EPB41: variants seen among roughly 807,000 people sequenced by gnomAD.
EPB41 encodes the protein protein 4.1.
EPB41 carries 65 observed loss-of-function variants against 108.0 expected under a neutral mutation model. The observed-to-expected ratio is 0.60, with a 90% CI of 0.49 to 0.74. The LOEUF is 0.74. EPB41 is among the 30% of genes least tolerant of loss of function. EPB41 has a pLI of 0.00. For synonymous variants in EPB41, 336 were observed against 358.9 expected, an observed-to-expected ratio of 0.94 and a Z score of 0.72; for missense variants, 875 against 1,037.0, an observed-to-expected ratio of 0.84 and a Z score of 2.15.
chr1:29,091,073 A>C (rs937760973), intron 16 of EPB41, among the ~76,000 whole-genome samples: 2 of 152,178 alleles, frequency 1.3e-5, no homozygotes, highest in Admixed American at 1.3e-4. Context: ...TCTTCTACAC[A>C]TGCTTTGGAA....
upstream of EPB41, among the ~76,000 whole-genome samples, chr1:28,913,524 T>C (rs1415193476): frequency 6.6e-6 from 1 of 152,192 alleles, no homozygotes; most frequent in Non-Finnish European, 1.5e-5. Flanking sequence ...GGCAATCTGT[T>C]TCCAGAGGCT....
intron 1 of EPB41, among the ~76,000 whole-genome samples, chr1:28,888,753 G>A (rs145732390): frequency 0.03 from 4,488 of 152,134 alleles, 102 homozygotes; most frequent in Non-Finnish European, 0.044. Flanking sequence ...TCAGCCTCCC[G>A]AGTAGCTGGG....
chr1:29,018,150 C>T lies in EPB41; in HGVS notation c.906-74C>T, dbSNP rs2096600693. On this transcript the variant is annotated intron_variant, in intron 6 of 20. Coordinates refer to ENST00000343067, the MANE Select transcript of EPB41 (RefSeq NM_001376013.1). The surrounding 1 kb of genome is among the most constrained non-coding windows in gnomAD (Gnocchi z 4.4). ...TCTCTCTCTCCCTTTCTGTTTCTCC[C>T]CTTTTCTCCTTTTTCTCTCTTTATA... 6 of 1,351,532 alleles carry T rather than the reference C, an allele frequency of 4.4e-6. No individual in the cohort carries two copies. The highest frequency in any genetic ancestry group is 6.3e-6 in the Non-Finnish European group (6 of 949,394). The allele number at this position is 1,351,532 out of a possible 1,614,324, so 83.7% of individuals were successfully genotyped here. A position where few individuals can be genotyped will look rare whatever the true frequency, so the allele number is the denominator to read the frequency against.
chr1:28,959,982 C>CTTTCTTTTTTTTTCT (rs1319671568), intron 1 of EPB41, among the ~76,000 whole-genome samples: 4 of 148,340 alleles, frequency 2.7e-5, no homozygotes, highest in African/African-American at 9.9e-5. Context: ...TCTTGAGGCC[C>CTTTCTTTTTTTTTCT]TTTCTTTTTT....
chr1:28,939,092 C>T (rs1377978359), intron 1 of EPB41, among the ~76,000 whole-genome samples: 2 of 152,182 alleles, frequency 1.3e-5, no homozygotes, highest in African/African-American at 2.4e-5. Context: ...CAGCCTTGCT[C>T]TGTATGTTGT....
At chr1:28,911,195 C>T (rs2092239152), upstream of EPB41, 1 of 984,610 alleles carries the variant, frequency 1.0e-6, no homozygotes, top group Admixed American at 6.2e-5. Context: ...AGAGATTGGG[C>T]ACTTAGCCTA....
intron 1 of EPB41, among the ~76,000 whole-genome samples, chr1:28,955,927 A>G (rs372291705): frequency 5.9e-5 from 9 of 152,266 alleles, no homozygotes; most frequent in African/African-American, 1.9e-4. Context: ...AATAAACACT[A>G]TAACTTTTGT....
intron 1 of EPB41, among the ~76,000 whole-genome samples, chr1:28,924,444 G>A (rs986387137): frequency 6.6e-6 from 1 of 152,108 alleles, no homozygotes; most frequent in Admixed American, 6.6e-5. Flanking sequence ...CAGGATAATC[G>A]CTTGATCCTG....
At chr1:29,044,998 A>G (rs186036350) in intron 11 of EPB41, among the ~76,000 whole-genome samples, 28 of 152,306 alleles carry the variant, frequency 1.8e-4, no homozygotes, top group Admixed American at 5.2e-4. Flanking sequence ...CCTTGTGTCA[A>G]TACCACACTA....
intron 12 of EPB41, chr1:29,054,097 A>T (rs1311139077): frequency 1.3e-5 from 2 of 152,238 alleles, no homozygotes; most frequent in African/African-American, 4.8e-5. Flanking sequence ...CCTTTACAAA[A>T]AGGAGAAGAT....
chr1:29,010,412 G>A (rs2096481145), intron 4 of EPB41, among the ~76,000 whole-genome samples: 2 of 152,152 alleles, frequency 1.3e-5, no homozygotes, highest in Admixed American at 6.5e-5. Flanking sequence ...ATTAGGAAGA[G>A]GCAAGAGAGG....
chr1:28,919,952 G>A (rs748176358), intron 1 of EPB41, among the ~76,000 whole-genome samples: 7 of 151,982 alleles, frequency 4.6e-5, no homozygotes, highest in Non-Finnish European at 8.8e-5. Context: ...TCCCTCTTCC[G>A]TAGCTGATGA....
chr1:29,062,290 G>A (rs1362284271), intron 15 of EPB41, among the ~76,000 whole-genome samples: 1 of 152,174 alleles, frequency 6.6e-6, no homozygotes, highest in Non-Finnish European at 1.5e-5. Context: ...TTCGTCTTCA[G>A]TGCTTCCTCT....
intron 14 of EPB41, among the ~76,000 whole-genome samples, chr1:29,060,158 A>G (rs549001102): frequency 6.6e-6 from 1 of 152,322 alleles, no homozygotes; most frequent in South Asian, 2.1e-4. Context: ...AGCTTGTTAC[A>G]TAAGAAGCCA....
chr1:28,917,525 C>T (rs1015469651), intron 1 of EPB41, among the ~76,000 whole-genome samples: 7 of 151,880 alleles, frequency 4.6e-5, no homozygotes, highest in African/African-American at 1.2e-4. Context: ...GTGATCCACC[C>T]GCCTCGGCCT....
At chr1:28,974,264 T>G (rs2095553295) in intron 1 of EPB41, among the ~76,000 whole-genome samples, 1 of 152,226 alleles carries the variant, frequency 6.6e-6, no homozygotes, top group African/African-American at 2.4e-5. Context: ...AGTTTGTCTT[T>G]CTTACTAGAG....
chr1:29,090,132 C>T (rs1198565753), intron 16 of EPB41, among the ~76,000 whole-genome samples: 2 of 151,874 alleles, frequency 1.3e-5, no homozygotes, highest in African/African-American at 2.4e-5. Flanking sequence ...GGCATGGTGG[C>T]ACGCATCTGT....
chr1:29,088,697 T>C (rs892877028), intron 16 of EPB41, among the ~76,000 whole-genome samples: 2 of 152,196 alleles, frequency 1.3e-5, no homozygotes, highest in East Asian at 3.8e-4. Flanking sequence ...TCAGCCTTCT[T>C]ATATGTAAAA....
At chr1:28,888,297 C>T (rs1324136760) in intron 1 of EPB41, among the ~76,000 whole-genome samples, 1 of 152,190 alleles carries the variant, frequency 6.6e-6, no homozygotes, top group East Asian at 1.9e-4. Flanking sequence ...GTCAGGTCCT[C>T]AGCTATTGAA....
Sources: gnomAD v4.1 joint callset for allele counts (sites outside exome capture counted in the v4.1 genomes callset) on GRCh38, gnomAD v4.1.1 for gene constraint, Gnocchi (gnomAD v3.1) non-coding constraint, MANE v1.5 for transcripts, NCBI Gene and HGNC (gene_info 2026-07-23, HGNC 2026-07-21) for gene names.